The following CTH variants were observed in gnomAD, a reference collection of about 807,000 sequenced individuals.
CTH encodes the protein cystathionine gamma-lyase.
A neutral mutation model predicts 50.6 loss-of-function variants in CTH; 41 were observed. The observed-to-expected ratio is 0.81, with a 90% confidence interval of 0.63 to 1.05. The LOEUF (loss-of-function observed/expected upper bound fraction) is 1.05. Ranked by LOEUF, CTH falls within the 50% of genes least tolerant of loss-of-function variation. CTH has a pLI of 0.00. For missense variants in CTH, 470 were observed against 492.6 expected, an observed-to-expected ratio of 0.95 and a Z score of 0.43; for synonymous variants, 156 against 168.9, an observed-to-expected ratio of 0.92 and a Z score of 0.59.
At position 70,430,371 on chromosome 1, in the gene CTH, A is replaced by G. The variant is rs971278706; in HGVS notation, c.701A>G (p.Asn234Ser). The G allele has an allele frequency of 2.5e-6, 4 of 1,590,498 alleles. No individual in the cohort carries two copies. The highest frequency in any genetic ancestry group is 2.7e-5 in the African/African-American group (2 of 74,582). Residue 234 changes from asparagine (N) to serine (S), a missense_variant, in exon 7 of 12, where the codon AAT becomes AGT. Physicochemically the swap from Asn to Ser is conservative, Grantham distance 46. Coordinates refer to ENST00000370938, the MANE Select transcript of CTH (RefSeq NM_001902.6). ...TCTGTTAATTGTGAAAGCCTTCATA[A>G]TAGACTTCGTTTCTTGCAAAACTGT... ...LVSVNCESLH[N>S]RLRFLQNSLG...
intron 5 of CTH, among the ~76,000 whole-genome samples, chr1:70,426,518 A>T (rs1177471745): frequency 2.0e-5 from 3 of 152,186 alleles, no homozygotes; most frequent in African/African-American, 7.2e-5. Flanking sequence ...CTCCCTGGGC[A>T]GTTGGTATAA....
chr1:70,434,883 G>A, intron 9 of CTH: 1 of 354,834 alleles, frequency 2.8e-6, no homozygotes, highest in Non-Finnish European at 5.4e-6. Context: ...CTTCCAGGTA[G>A]CTGGGATTAC....
intron 8 of CTH, among the ~76,000 whole-genome samples, chr1:70,432,912 G>A (rs1267474312): frequency 1.3e-5 from 2 of 151,868 alleles, no homozygotes; most frequent in African/African-American, 4.8e-5. Flanking sequence ...TCGAACTCCT[G>A]ACCTCAGGTG....
At chr1:70,421,802 C>A in intron 4 of CTH, 127 bp downstream of exon 4, 4 of 945,710 alleles carry the variant, frequency 4.2e-6, no homozygotes, top group Non-Finnish European at 3.3e-6. Flanking sequence ...GAAACATCAA[C>A]AAAATTAAGA....
chr1:70,432,253 C>T lies in CTH; in HGVS notation c.877+18C>T. 6.2e-7 allele frequency: 1 copy of T among 1,613,640 alleles called. No homozygotes were observed. Among genetic ancestry groups the T allele is most frequent in the Non-Finnish European group, 8.5e-7 (1 of 1,179,638 alleles). Reference sequence around the variant, plus strand: ...TTATCCTGGTATGTTAATTTGATTTCTAAGCAGATCTACTAGGATTTCAGC... The same window carrying T: ...TTATCCTGGTATGTTAATTTGATTTTTAAGCAGATCTACTAGGATTTCAGC... On this transcript the variant is annotated intron_variant, in intron 8 of 11. Transcript: ENST00000370938.
At chr1:70,415,833 C>A in intron 1 of CTH, 123 bp from the exon 2 acceptor site, 1 of 708,482 alleles carries the variant, frequency 1.4e-6, no homozygotes, top group South Asian at 1.5e-5. Flanking sequence ...TGTATTAAAG[C>A]AAGACATATC....
chr1:70,419,385 T>C (rs2101734114), intron 3 of CTH, among the ~76,000 whole-genome samples: 1 of 152,342 alleles, frequency 6.6e-6, no homozygotes, highest in African/African-American at 2.4e-5. Flanking sequence ...TCTAGATCCC[T>C]GAGGAATCAC....
chr1:70,439,650 A>T lies in CTH; in HGVS notation c.*523A>T, dbSNP rs583316. 0.26 allele frequency: 40,916 copies of T among 156,026 alleles called. 5,625 individuals are homozygous for T. Among genetic ancestry groups the T allele is most frequent in the Non-Finnish European group, 0.3 (21,162 of 70,740 alleles). 9.7% of individuals were successfully genotyped at this position (156,026 alleles called of 1,614,324 possible). ...ATTTAAGACTATACTTAATATTTTTAAAAAAATAAATCAGCTGGGCGCGGT... is the reference window on the plus strand; with the variant it reads ...ATTTAAGACTATACTTAATATTTTTTAAAAAATAAATCAGCTGGGCGCGGT... On this transcript the variant is annotated 3_prime_UTR_variant, in exon 12 of 12. Coordinates refer to ENST00000370938, the MANE Select transcript of CTH (RefSeq NM_001902.6).
intron 1 of CTH, among the ~76,000 whole-genome samples, chr1:70,413,564 C>T (rs1471271073): frequency 2.6e-5 from 4 of 151,656 alleles, no homozygotes; most frequent in African/African-American, 4.8e-5. Context: ...GCGCCCGGCT[C>T]ACAGCCTCTC....
At position 70,424,307 on chromosome 1, in the gene CTH, C is replaced by A. The variant is rs759556806; in HGVS notation, c.479C>A (p.Thr160Lys). ...ETKLVWIETP[T>K]NPTQKVIDIE... ...TAGCTTGTTTGGATCGAAACCCCCA[C>A]AAACCCCACCCAGAAGGTGATTGAC... The change falls in exon 5 of 12, where the codon ACA becomes AAA. Residue 160 changes from threonine to lysine, a missense_variant. Coordinates refer to ENST00000370938, the MANE Select transcript of CTH (RefSeq NM_001902.6). The A allele has an allele frequency of 1.9e-6, 3 of 1,614,002 alleles. No individual in the cohort carries two copies. Among genetic ancestry groups the A allele is most frequent in the African/African-American group, 2.7e-5 (2 of 74,934 alleles).
intron 10 of CTH, among the ~76,000 whole-genome samples, chr1:70,437,244 C>T (rs562679643): frequency 2.0e-5 from 3 of 152,290 alleles, no homozygotes; most frequent in East Asian, 1.9e-4. Flanking sequence ...CTAATGCCTT[C>T]GTTCATACTA....
intron 10 of CTH, among the ~76,000 whole-genome samples, chr1:70,436,499 A>G (rs577526938): frequency 6.6e-6 from 1 of 152,244 alleles, no homozygotes; most frequent in African/African-American, 2.4e-5. Flanking sequence ...TAACTGTACT[A>G]AATGTATACG....
chr1:70,420,855 A>G (rs1169417747), intron 3 of CTH, among the ~76,000 whole-genome samples: 2 of 151,974 alleles, frequency 1.3e-5, no homozygotes, highest in Non-Finnish European at 2.9e-5. Flanking sequence ...TTTTTACATT[A>G]TTTTTCAATT....
At chr1:70,436,148 TAA>T (rs202014783) in intron 10 of CTH, among the ~76,000 whole-genome samples, 17 of 144,752 alleles carry the variant, frequency 1.2e-4, no homozygotes, top group East Asian at 2.0e-4. Flanking sequence ...CTGTCTCTCC[TAA>T]AAAAAAAAAA....
intron 3 of CTH, among the ~76,000 whole-genome samples, chr1:70,421,018 A>G (rs1572257476): frequency 6.6e-6 from 1 of 152,260 alleles, no homozygotes; most frequent in African/African-American, 2.4e-5. Context: ...GTGTATTTAT[A>G]AAAAATTATT....
chr1:70,419,543 G>GGTGTGAGA (rs1207809651), intron 3 of CTH, among the ~76,000 whole-genome samples: 1 of 152,160 alleles, frequency 6.6e-6, no homozygotes, highest in Non-Finnish European at 1.5e-5. Context: ...GTATCTCACT[G>GGTGTGAGA]TGGTTTTGAT....
chr1:70,416,141 A>C, intron 2 of CTH, 104 bp downstream of exon 2: 1 of 760,134 alleles, frequency 1.3e-6, no homozygotes, highest in South Asian at 1.5e-5. Flanking sequence ...TTGCTAGTTC[A>C]AAATTCCTGT....
At chr1:70,415,709 A>G (rs920585858) in intron 1 of CTH, among the ~76,000 whole-genome samples, 1 of 152,236 alleles carries the variant, frequency 6.6e-6, no homozygotes, top group Admixed American at 6.5e-5. Flanking sequence ...ACTCTTGGAA[A>G]TGTGAAGTAA....
chr1:70,424,713 C>T (rs982462114), intron 5 of CTH, among the ~76,000 whole-genome samples: 3 of 152,172 alleles, frequency 2.0e-5, no homozygotes, highest in African/African-American at 4.8e-5. Flanking sequence ...GAGGCCGAGG[C>T]GGGCGGATCA....
Sources: gnomAD v4.1 joint callset for allele counts (sites outside exome capture counted in the v4.1 genomes callset) on GRCh38, gnomAD v4.1.1 for gene constraint, MANE v1.5 for transcripts, NCBI Gene and HGNC (gene_info 2026-07-23, HGNC 2026-07-21) for gene names.